DEPDC1B: variants seen among roughly 807,000 people sequenced by gnomAD.
DEPDC1B encodes the protein DEP domain containing 1B.
In DEPDC1B, 51 loss-of-function variants were observed where a neutral mutation model predicts 66.5. The observed-to-expected ratio is 0.77, with a 90% CI of 0.61 to 0.97. The LOEUF (loss-of-function observed/expected upper bound fraction) is 0.97, where lower values mean the gene tolerates loss of function less well. Ranked by LOEUF, DEPDC1B falls within the 50% of genes least tolerant of loss-of-function variation. The pLI is 0.00. For missense variants in DEPDC1B, 552 were observed against 637.1 expected (o/e 0.87, Z 1.44); for synonymous variants, 226 against 223.6 (o/e 1.01, Z -0.10).
chr5:60,633,650 G>A (rs1312564319), intron 7 of DEPDC1B, among the ~76,000 whole-genome samples: 1 of 152,290 alleles, frequency 6.6e-6, no homozygotes, highest in East Asian at 1.9e-4. Flanking sequence ...GACCTGAAGA[G>A]CTGCCCAGGC....
At chr5:60,626,363 G>T (rs1185553757) in intron 7 of DEPDC1B, among the ~76,000 whole-genome samples, 1 of 152,116 alleles carries the variant, frequency 6.6e-6, no homozygotes, top group Non-Finnish European at 1.5e-5. Flanking sequence ...GCTCTTCTGA[G>T]TAATGCTGCT....
At chr5:60,631,326 G>C (rs1356501602) in intron 7 of DEPDC1B, among the ~76,000 whole-genome samples, 1 of 152,214 alleles carries the variant, frequency 6.6e-6, no homozygotes, top group African/African-American at 2.4e-5. Flanking sequence ...TCATCTATGA[G>C]GGCAGCTGTA....
intron 7 of DEPDC1B, among the ~76,000 whole-genome samples, chr5:60,622,364 A>G (rs1752723858): frequency 6.6e-6 from 1 of 152,170 alleles, no homozygotes; most frequent in Admixed American, 6.5e-5. Context: ...AGATTCATTT[A>G]TATTGTTGTA....
intron 9 of DEPDC1B, among the ~76,000 whole-genome samples, chr5:60,602,327 A>G (rs1752218252): frequency 6.6e-6 from 1 of 152,094 alleles, no homozygotes; most frequent in African/African-American, 2.4e-5. Flanking sequence ...TGTTTTTTCT[A>G]TATTTCCCAA....
rs1346024728 is a variant in DEPDC1B at position 60,646,236 on chromosome 5, G to GA, written c.451-618dup. 7.2e-5 allele frequency among the ~76,000 whole-genome samples: 11 copies of GA among 152,072 alleles called. No individual in the cohort carries two copies. In the East Asian group the frequency reaches 1.9e-3, roughly 27 times the overall value. The stretch of plus-strand genomic sequence containing the variant: ...TGGGGGTATTTTAAGGAAAAAATGT[G>GA]AAAAAAAGAGGCAGTCAATTCTACA... On this transcript the variant is annotated intron_variant, in intron 3 of 10. Transcript: ENST00000265036.
intron 1 of DEPDC1B, among the ~76,000 whole-genome samples, chr5:60,691,310 T>G (rs1754540174): frequency 6.6e-6 from 1 of 152,132 alleles, no homozygotes; most frequent in African/African-American, 2.4e-5. Context: ...CACCTCAGCC[T>G]CCCAAAGTGC....
At chr5:60,661,085 CCT>C (rs2111943127) in intron 2 of DEPDC1B, among the ~76,000 whole-genome samples, 1 of 152,258 alleles carries the variant, frequency 6.6e-6, no homozygotes, top group South Asian at 2.1e-4. Flanking sequence ...TTACCTACAC[CCT>C]CTCTGAAATA....
chr5:60,690,546 C>CGTA (rs1307863984), intron 1 of DEPDC1B, among the ~76,000 whole-genome samples: 17 of 152,180 alleles, frequency 1.1e-4, no homozygotes, highest in African/African-American at 4.1e-4. Flanking sequence ...TTTTTAGGAA[C>CGTA]GTAGGCTCCC....
intron 2 of DEPDC1B, among the ~76,000 whole-genome samples, chr5:60,667,620 A>G (rs185039840): frequency 0.012 from 1,654 of 141,350 alleles, 31 homozygotes; most frequent in Middle Eastern, 0.023. Context: ...TATATAAAAA[A>G]TGGATATTTT....
chr5:60,619,358 T>A (rs556006176), intron 7 of DEPDC1B, among the ~76,000 whole-genome samples: 2 of 152,354 alleles, frequency 1.3e-5, no homozygotes, highest in East Asian at 3.9e-4. Context: ...TGTCCCTGTT[T>A]GCAGATGACA....
At chr5:60,607,385 T>A (rs1033237623) in intron 7 of DEPDC1B, among the ~76,000 whole-genome samples, 1 of 152,186 alleles carries the variant, frequency 6.6e-6, no homozygotes, top group Non-Finnish European at 1.5e-5. Context: ...ATCATCTATG[T>A]AGACCTGTTT....
At chr5:60,660,370 C>A (rs1463824459) in intron 2 of DEPDC1B, among the ~76,000 whole-genome samples, 1 of 151,876 alleles carries the variant, frequency 6.6e-6, no homozygotes, top group African/African-American at 2.4e-5. Context: ...AAAAAGTGTA[C>A]CCTATTCCTT....
chr5:60,642,685 C>T (rs1233307443), intron 6 of DEPDC1B, 127 bp downstream of exon 6: 1 of 660,308 alleles, frequency 1.5e-6, no homozygotes, highest in Non-Finnish European at 2.6e-6. Context: ...CACAGTAGTC[C>T]CAAAATAATT....
intron 9 of DEPDC1B, among the ~76,000 whole-genome samples, chr5:60,601,020 T>G (rs779623389): frequency 2.0e-5 from 3 of 152,196 alleles, no homozygotes; most frequent in African/African-American, 7.2e-5. Context: ...TATGAGGGGC[T>G]TTTCTCCCTT....
chr5:60,642,968 G>T, intron 5 of DEPDC1B, 109 bp from the exon 6 acceptor site: 1 of 755,036 alleles, frequency 1.3e-6, no homozygotes, highest in Non-Finnish European at 2.2e-6. Context: ...AACCATATCT[G>T]CTAATCACAA....
chr5:60,665,847 ACAAATTAGGCT>A (rs1265031639), intron 2 of DEPDC1B, among the ~76,000 whole-genome samples: 4 of 152,170 alleles, frequency 2.6e-5, no homozygotes, highest in Non-Finnish European at 5.9e-5. Context: ...TCACTAAAAT[ACAAATTAGGCT>A]AAAGCAGGAG....
At chr5:60,690,233 C>T (rs1754510941) in intron 1 of DEPDC1B, among the ~76,000 whole-genome samples, 1 of 151,864 alleles carries the variant, frequency 6.6e-6, no homozygotes, top group Non-Finnish European at 1.5e-5. Flanking sequence ...ATTTTATAAT[C>T]AGAGAAAAAC....
intron 7 of DEPDC1B, among the ~76,000 whole-genome samples, chr5:60,633,913 C>T (rs889265184): frequency 7.2e-5 from 11 of 152,114 alleles, no homozygotes; most frequent in African/African-American, 2.7e-4. Context: ...GTACAGGGCA[C>T]CCCTTTACAT....
chr5:60,608,206 T>C (rs1308160986), intron 7 of DEPDC1B, among the ~76,000 whole-genome samples: 2 of 152,176 alleles, frequency 1.3e-5, no homozygotes, highest in South Asian at 2.1e-4. Context: ...ATCTAGTTTT[T>C]CTGTAAAGCC....
Sources: gnomAD v4.1 joint callset for allele counts (sites outside exome capture counted in the v4.1 genomes callset) on GRCh38, gnomAD v4.1.1 for gene constraint, MANE v1.5 for transcripts, NCBI Gene and HGNC (gene_info 2026-07-23, HGNC 2026-07-21) for gene names.